The following HNRNPUL1 variants were observed in gnomAD, a reference collection of about 807,000 sequenced individuals.
HNRNPUL1 encodes the protein heterogeneous nuclear ribonucleoprotein U like 1, also known as heterogeneous nuclear ribonucleoprotein U-like protein 1.
In HNRNPUL1, 14 loss-of-function variants were observed where a neutral mutation model predicts 108.5. The observed-to-expected ratio is 0.13, with a 90% CI of 0.09 to 0.20. The LOEUF (loss-of-function observed/expected upper bound fraction) is 0.20. HNRNPUL1 is among the 10% of genes least tolerant of loss of function. The pLI is 1.00. For synonymous variants in HNRNPUL1, 422 were observed against 445.2 expected, an observed-to-expected ratio of 0.95 and a Z score of 0.66; for missense variants, 804 against 1,168.3, an observed-to-expected ratio of 0.69 and a Z score of 4.55.
At chr19:41,300,044 G>A (rs2037113231) in intron 10 of HNRNPUL1, among the ~76,000 whole-genome samples, 1 of 152,072 alleles carries the variant, frequency 6.6e-6, no homozygotes, top group Non-Finnish European at 1.5e-5. Flanking sequence ...AGAGGAGCAG[G>A]CTGAGGCTGG....
chr19:41,301,028 G>T (rs937549615), intron 10 of HNRNPUL1, among the ~76,000 whole-genome samples: 2 of 152,146 alleles, frequency 1.3e-5, no homozygotes, highest in African/African-American at 4.8e-5. Flanking sequence ...AAAGTTTCAC[G>T]TTACATGAAA....
intron 1 of HNRNPUL1, among the ~76,000 whole-genome samples, chr19:41,267,359 G>A (rs1367998075): frequency 6.6e-6 from 1 of 152,154 alleles, no homozygotes; most frequent in Admixed American, 6.5e-5. Flanking sequence ...TGTGGGAAGA[G>A]GAGCATTGTG....
chr19:41,268,862 C>CA (rs922433162), intron 2 of HNRNPUL1, among the ~76,000 whole-genome samples: 49 of 140,560 alleles, frequency 3.5e-4, no homozygotes, highest in Middle Eastern at 3.5e-3. Context: ...AACTGCATCT[C>CA]AAAAAAAAAA....
At chr19:41,301,814 T>A in intron 11 of HNRNPUL1, 110 bp downstream of exon 11, 1 of 990,154 alleles carries the variant, frequency 1.0e-6, no homozygotes, top group Non-Finnish European at 1.5e-6. Context: ...TTTTTGATCT[T>A]ACTCTTTCTT....
intron 11 of HNRNPUL1, 58 bp downstream of exon 11, chr19:41,301,762 T>C (rs922957446): frequency 1.2e-5 from 17 of 1,463,396 alleles, no homozygotes; most frequent in Non-Finnish European, 1.6e-5. Flanking sequence ...GAGAAGAAGC[T>C]CTTTACTCAG....
In HNRNPUL1 at chr19:41,302,965, C is replaced by T; in HGVS notation, c.1972+16C>T. On this transcript the variant is annotated intron_variant, in intron 12 of 14. Coordinates refer to ENST00000392006, the MANE Select transcript of HNRNPUL1 (RefSeq NM_007040.6). ...TACCGAGGAGGTGAGACATCTCACA[C>T]ACAGCACTCTCCACTTTCTGTTCCC... 1 of 1,517,212 alleles carries T rather than the reference C, an allele frequency of 6.6e-7. No homozygotes were observed. Among genetic ancestry groups the T allele is most frequent in the Non-Finnish European group, 8.8e-7 (1 of 1,134,686 alleles). 94.0% of individuals were successfully genotyped at this position (1,517,212 alleles called of 1,614,324 possible). A position where few individuals can be genotyped will look rare whatever the true frequency, so the allele number is the denominator to read the frequency against.
At position 41,292,214 on chromosome 19, in the gene HNRNPUL1, G is replaced by A; in HGVS notation, c.1000-31G>A. The A allele has an allele frequency of 6.2e-7, 1 of 1,608,072 alleles. No homozygotes were observed. The highest frequency in any genetic ancestry group is 2.2e-5 in the East Asian group (1 of 44,728). ...CTCCCAGTGCCTATGGCAAGAGTTG[G>A]CAATCATATTCCTTTGGCTTTTTCT... On this transcript the variant is annotated intron_variant, in intron 7 of 14. Transcript: ENST00000392006. The surrounding 1 kb of genome is among the most constrained non-coding windows in gnomAD (Gnocchi z 4.1).
intron 10 of HNRNPUL1, among the ~76,000 whole-genome samples, chr19:41,301,013 C>T (rs13345456): frequency 0.32 from 49,177 of 152,020 alleles, 9,129 homozygotes; most frequent in African/African-American, 0.51. Context: ...AGAAAAACTT[C>T]AGAGAAAGTT....
chr19:41,285,116 C>T (rs915269796), intron 7 of HNRNPUL1, among the ~76,000 whole-genome samples: 2 of 152,004 alleles, frequency 1.3e-5, no homozygotes, highest in Non-Finnish European at 2.9e-5. Flanking sequence ...AATTTAATGC[C>T]AGCAAAGGAT....
At chr19:41,290,419 A>C (rs2036516643) in intron 7 of HNRNPUL1, among the ~76,000 whole-genome samples, 1 of 152,184 alleles carries the variant, frequency 6.6e-6, no homozygotes, top group African/African-American at 2.4e-5. Flanking sequence ...CTGCTCCTCT[A>C]TTCAAAATAA....
intron 7 of HNRNPUL1, among the ~76,000 whole-genome samples, chr19:41,288,255 AT>A (rs1265425345): frequency 7.3e-6 from 1 of 137,900 alleles, no homozygotes; most frequent in African/African-American, 2.7e-5. Context: ...TATTTATTTA[AT>A]TTTTTTGAGA....
At chr19:41,262,582 CGTGA>C (rs1369068015), upstream of HNRNPUL1, 1 of 152,370 alleles carries the variant, frequency 6.6e-6, no homozygotes, top group Non-Finnish European at 1.5e-5. Flanking sequence ...TCTGGGCCCA[CGTGA>C]GTGTCTGTCC....
At chr19:41,301,427 A>G in intron 10 of HNRNPUL1, 109 bp from the exon 11 acceptor site, 2 of 836,784 alleles carry the variant, frequency 2.4e-6, no homozygotes, top group Non-Finnish European at 3.7e-6. Flanking sequence ...TCTGCTTACA[A>G]GGAGCACTGA....
At chr19:41,291,236 C>T (rs1030157971) in intron 7 of HNRNPUL1, among the ~76,000 whole-genome samples, 11 of 152,126 alleles carry the variant, frequency 7.2e-5, no homozygotes, top group African/African-American at 2.7e-4. Context: ...AACTGAGAAA[C>T]CTCAGAAACT....
chr19:41,299,949 G>A (rs1223851269), intron 10 of HNRNPUL1, among the ~76,000 whole-genome samples: 1 of 152,042 alleles, frequency 6.6e-6, no homozygotes, highest in Non-Finnish European at 1.5e-5. Context: ...CTTAGACGAG[G>A]GCTTTTACTC....
upstream of HNRNPUL1, chr19:41,263,111 T>C (rs1162070241): frequency 6.6e-6 from 1 of 151,634 alleles, no homozygotes; most frequent in African/African-American, 2.4e-5. Flanking sequence ...GCACGCCTGT[T>C]TGTTTACGAC....
At chr19:41,286,759 C>T (rs1203244829) in intron 7 of HNRNPUL1, 2 of 147,968 alleles carry the variant, frequency 1.4e-5, no homozygotes, top group Non-Finnish European at 3.0e-5. Flanking sequence ...TCTTGTCCCC[C>T]AGGTTTGAGT....
chr19:41,274,449 C>T (rs1035757847), intron 4 of HNRNPUL1, among the ~76,000 whole-genome samples: 1 of 152,192 alleles, frequency 6.6e-6, no homozygotes, highest in African/African-American at 2.4e-5. Context: ...AACTCTTTGA[C>T]AACCAGTTCC....
At position 41,306,439 on chromosome 19, in the gene HNRNPUL1, C is replaced by G. The variant is rs142080577; in HGVS notation, c.2455-10C>G. On this transcript the variant is annotated splice_polypyrimidine_tract_variant and intron_variant, in intron 14 of 14. Coordinates refer to ENST00000392006, the MANE Select transcript of HNRNPUL1 (RefSeq NM_007040.6). ...CAGGACAACTTGGTGTTCTTGGTTT[C>G]TTTCCCCAGTATGCCCAGCAGTGGA... is the stretch of plus-strand genomic sequence containing the variant. 1.9e-4 allele frequency: 298 copies of G among 1,563,258 alleles called. 3 individuals carry two copies. The highest frequency in any genetic ancestry group is 1.2e-3 in the Middle Eastern group (7 of 5,836).
Sources: gnomAD v4.1 joint callset for allele counts (sites outside exome capture counted in the v4.1 genomes callset) on GRCh38, gnomAD v4.1.1 for gene constraint, Gnocchi (gnomAD v3.1) non-coding constraint, MANE v1.5 for transcripts, NCBI Gene and HGNC (gene_info 2026-07-23, HGNC 2026-07-21) for gene names.